The following JCAD variants were observed in gnomAD, a reference collection of about 807,000 sequenced individuals.
JCAD encodes junctional cadherin 5-associated protein.
JCAD carries 40 observed loss-of-function variants against 98.0 expected under a neutral mutation model. That is an observed-to-expected ratio of 0.41 (90% CI 0.32 to 0.53). The LOEUF (loss-of-function observed/expected upper bound fraction) is 0.53. Ranked by LOEUF, JCAD falls within the 20% of genes least tolerant of loss-of-function variation. JCAD has a pLI of 0.31. For missense variants in JCAD, 1,705 were observed against 1,738.1 expected, an observed-to-expected ratio of 0.98 and a Z score of 0.34; for synonymous variants, 691 against 682.3, an observed-to-expected ratio of 1.01 and a Z score of -0.20.
chr10:30,050,395 A>G (rs181972542), intron 1 of JCAD, among the ~76,000 whole-genome samples: 32 of 152,140 alleles, frequency 2.1e-4, no homozygotes, highest in African/African-American at 7.2e-4. Context: ...GCAGACTAGA[A>G]CAAAGTCCCC....
intron 1 of JCAD, among the ~76,000 whole-genome samples, chr10:30,104,181 G>T (rs1838523875): frequency 6.6e-6 from 1 of 152,212 alleles, no homozygotes; most frequent in South Asian, 2.1e-4. Flanking sequence ...TAAGTCCTGA[G>T]AGGGTTGCAG....
intron 1 of JCAD, among the ~76,000 whole-genome samples, chr10:30,081,321 C>T (rs890247128): frequency 6.6e-6 from 1 of 152,208 alleles, no homozygotes. Flanking sequence ...CCAGTTTGAA[C>T]TATCTTGGTC....
At chr10:30,106,196 G>A (rs943580867) in intron 1 of JCAD, among the ~76,000 whole-genome samples, 16 of 152,146 alleles carry the variant, frequency 1.1e-4, no homozygotes, top group Admixed American at 1.0e-3. Flanking sequence ...GCTGAGATGG[G>A]AGGATCACTT....
chr10:30,082,919 A>G (rs1368250759), intron 1 of JCAD, among the ~76,000 whole-genome samples: 1 of 150,542 alleles, frequency 6.6e-6, no homozygotes, highest in Non-Finnish European at 1.5e-5. Context: ...CTGTAGTCCC[A>G]GCTACTTGGG....
At chr10:30,089,440 A>G (rs373005955) in intron 1 of JCAD, among the ~76,000 whole-genome samples, 2 of 151,726 alleles carry the variant, frequency 1.3e-5, no homozygotes, top group African/African-American at 4.9e-5. Flanking sequence ...CTTGCAAACT[A>G]CTGCTGTGTT....
intron 1 of JCAD, among the ~76,000 whole-genome samples, chr10:30,082,459 C>G (rs995984706): frequency 2.6e-5 from 4 of 152,122 alleles, no homozygotes; most frequent in African/African-American, 9.7e-5. Flanking sequence ...TTGCTCACAC[C>G]TATAATCCCA....
At chr10:30,049,108 A>G (rs1174831521) in intron 1 of JCAD, among the ~76,000 whole-genome samples, 1 of 152,236 alleles carries the variant, frequency 6.6e-6, no homozygotes, top group Non-Finnish European at 1.5e-5. Flanking sequence ...ACATGAGAAC[A>G]TCTTTCTTCC....
At chr10:30,103,720 T>G (rs1233555363) in intron 1 of JCAD, among the ~76,000 whole-genome samples, 1 of 149,768 alleles carries the variant, frequency 6.7e-6, no homozygotes, top group African/African-American at 2.5e-5. Flanking sequence ...AAACAGTTAG[T>G]GAGTCAATTT....
intron 3 of JCAD, among the ~76,000 whole-genome samples, chr10:30,018,271 CT>C: frequency 6.7e-6 from 1 of 148,190 alleles, no homozygotes; most frequent in African/African-American, 2.5e-5. Context: ...TCTTATCTTT[CT>C]TTCTTCTTCT....
intron 2 of JCAD, among the ~76,000 whole-genome samples, chr10:30,030,184 C>G (rs1265057595): frequency 2.0e-5 from 3 of 152,202 alleles, no homozygotes; most frequent in Non-Finnish European, 4.4e-5. Context: ...TGGCTCATGC[C>G]TGTAATCCCA....
rs757996704 is a variant in JCAD, at chr10:30,029,066, G to A, written c.1082C>T (p.Thr361Met). Residue 361 changes from threonine (T) to methionine (M), a missense_variant, in exon 3 of 4, where the codon ACG becomes ATG. Around this residue, in one of 3 missense-constraint regions of JCAD, gnomAD observed 275 missense variants for 346.9 expected, o/e 0.79. Coordinates refer to ENST00000375377, the MANE Select transcript of JCAD (RefSeq NM_020848.4). Reference protein sequence around the residue: ...QNIPNPYLEDTVPINVCGGHS... With the variant: ...QNIPNPYLEDMVPINVCGGHS... ...ACCGCCACACACATTTATGGGCACC[G>A]TGTCTTCCAAGTAGGGGTTTGGGAT... 9.3e-6 allele frequency: 15 copies of A among 1,614,004 alleles called. No individual in the cohort carries two copies. Among genetic ancestry groups the A allele is most frequent in the East Asian group, 2.2e-5 (1 of 44,880 alleles).
intron 1 of JCAD, among the ~76,000 whole-genome samples, chr10:30,070,699 C>T (rs1233268690): frequency 2.6e-5 from 4 of 152,104 alleles, no homozygotes; most frequent in Admixed American, 6.6e-5. Context: ...CAGCATATGC[C>T]GGAGCCACAG....
intron 1 of JCAD, among the ~76,000 whole-genome samples, chr10:30,070,918 T>C (rs988389896): frequency 6.6e-6 from 1 of 152,204 alleles, no homozygotes; most frequent in Non-Finnish European, 1.5e-5. Flanking sequence ...TTTGTTTGTT[T>C]GTTTTGAGAC....
At position 30,026,987 on chromosome 10, in the gene JCAD, G is replaced by T. The variant is rs765118031; in HGVS notation, c.3161C>A (p.Thr1054Asn). 3.7e-6 allele frequency: 6 copies of T among 1,614,074 alleles called. No individual in the cohort carries two copies. Among genetic ancestry groups the T allele is most frequent in the South Asian group, 2.2e-5 (2 of 91,082 alleles). The change falls in exon 3 of 4, where the codon ACC becomes AAC. Residue 1054 changes from threonine (T) to asparagine (N), a missense_variant. By Grantham distance (65) the Thr-to-Asn change is moderately conservative (BLOSUM62 0). Around this residue, in one of 3 missense-constraint regions of JCAD, gnomAD observed 1,278 missense variants for 1,243.1 expected, o/e 1.03. Transcript: ENST00000375377. ...ACTGGCACCCTGTTCTTGCCCAGGG[G>T]TGAGCCCCACAGACCGTAAGTCTGG... ...SAPDLRSVGL[T>N]PGQEQGASEL...
rs1379273284 is a variant in JCAD at position 30,037,899 on chromosome 10, T to C, written c.282-8033A>G. ...GGCTTTGAACTCCTGCGCTTGGGTC[T>C]GGCTTCCACAAAGATGAACTCAGAA... On this transcript the variant is annotated intron_variant, in intron 2 of 3. Transcript: ENST00000375377. 2.8e-5 allele frequency among the ~76,000 whole-genome samples: 4 copies of C among 144,472 alleles called. No individual in the cohort carries two copies. The East Asian group carries it at 8.0e-4, about 29-fold the overall frequency. 94.8% of individuals were successfully genotyped at this position (144,472 alleles called of 152,430 possible).
Position 30,029,494 on chromosome 10 carries a change from T to G in JCAD, c.654A>C (p.Glu218Asp), listed in dbSNP as rs1283758365. The G allele has an allele frequency of 6.2e-7, 1 of 1,614,092 alleles. No individual in the cohort carries two copies. Among genetic ancestry groups the G allele is most frequent in the Non-Finnish European group, 8.5e-7 (1 of 1,180,042 alleles). ...CTTTGTTTTGAGAATTCAACACATG[T>G]TCTCCTTGAATGAATGGGTACAGGT... Reference protein sequence around the residue: ...FQDLYPFIQGEHVLNSQNKGK... With the variant: ...FQDLYPFIQGDHVLNSQNKGK... The change falls in exon 3 of 4, where the codon GAA (glutamate) becomes GAC (aspartate). Residue 218 changes from glutamate to aspartate, a missense_variant. Around this residue, in one of 3 missense-constraint regions of JCAD, gnomAD observed 275 missense variants for 346.9 expected, o/e 0.79. Coordinates refer to ENST00000375377, the MANE Select transcript of JCAD (RefSeq NM_020848.4).
intron 2 of JCAD, among the ~76,000 whole-genome samples, chr10:30,047,249 G>C (rs1035544207): frequency 6.6e-6 from 1 of 152,204 alleles, no homozygotes; most frequent in Non-Finnish European, 1.5e-5. Flanking sequence ...GCACATGCCT[G>C]TAATCCCAGC....
chr10:30,103,183 A>ATT (rs1444104454), intron 1 of JCAD, among the ~76,000 whole-genome samples: 3 of 152,030 alleles, frequency 2.0e-5, no homozygotes, highest in African/African-American at 7.3e-5. Context: ...CATAGACCAC[A>ATT]TTTTCCTTGC....
intron 1 of JCAD, among the ~76,000 whole-genome samples, chr10:30,100,201 A>G (rs969551520): frequency 1.3e-5 from 2 of 152,122 alleles, no homozygotes; most frequent in Non-Finnish European, 2.9e-5. Flanking sequence ...AAAATTTTAC[A>G]TTCAAGTGCT....
Sources: allele counts gnomAD v4.1 joint callset (sites outside exome capture counted in the v4.1 genomes callset), GRCh38; gene constraint gnomAD v4.1.1; regional missense constraint gnomAD v4.1.1; transcripts MANE v1.5; gene names NCBI Gene and HGNC (gene_info 2026-07-23, HGNC 2026-07-21).